Variants in TMEM50A observed in about 807,000 individuals in gnomAD.
The protein encoded by TMEM50A is transmembrane protein 50A.
In TMEM50A, 8 loss-of-function variants were observed where a neutral mutation model predicts 23.9. That is an observed-to-expected ratio of 0.33 (90% CI 0.20 to 0.60). The LOEUF is 0.60. TMEM50A is among the 20% of genes least tolerant of loss of function. The pLI is 0.81. For missense variants in TMEM50A, 178 were observed against 192.7 expected (o/e 0.92, Z 0.45); for synonymous variants, 55 against 60.4 (o/e 0.91, Z 0.41).
intron 1 of TMEM50A, chr1:25,338,726 C>T (rs2124226377): frequency 6.6e-6 from 1 of 152,370 alleles, no homozygotes; most frequent in South Asian, 2.1e-4. Context: ...GGAAAATCCC[C>T]CGATCCCCCA....
chr1:25,362,321 A>G lies in TMEM50A; in HGVS notation c.*1616A>G, dbSNP rs1645422529. The stretch of plus-strand genomic sequence containing the variant: ...TTGATAGCATCATCCTAATGAAACT[A>G]AACATTTATTTTAAACTTATTAAAT... On this transcript the variant is annotated 3_prime_UTR_variant, in exon 7 of 7. Transcript: ENST00000374358. 1.7e-6 allele frequency: 2 copies of G among 1,176,268 alleles called. No individual in the cohort carries two copies. The highest frequency in any genetic ancestry group is 2.4e-6 in the Non-Finnish European group (2 of 832,892). The allele number at this position is 1,176,268 out of a possible 1,614,324, so 72.9% of individuals were successfully genotyped here.
intron 3 of TMEM50A, among the ~76,000 whole-genome samples, chr1:25,343,383 A>G (rs1188030472): frequency 6.6e-6 from 1 of 152,192 alleles, no homozygotes; most frequent in Non-Finnish European, 1.5e-5. Context: ...AACAATATTT[A>G]TTAAGCTTTT....
chr1:25,355,644 C>T (rs1448609222), intron 5 of TMEM50A, among the ~76,000 whole-genome samples: 2 of 152,132 alleles, frequency 1.3e-5, no homozygotes, highest in Admixed American at 6.5e-5. Flanking sequence ...GTGGTGAAGA[C>T]CTATGCAAAC....
chr1:25,360,069 G>T (rs553223909), intron 6 of TMEM50A, among the ~76,000 whole-genome samples: 1 of 152,270 alleles, frequency 6.6e-6, no homozygotes, highest in East Asian at 1.9e-4. Context: ...GACGTATAGG[G>T]CTGGGCACAG....
At chr1:25,359,440 C>T (rs972377168) in intron 6 of TMEM50A, among the ~76,000 whole-genome samples, 1 of 151,866 alleles carries the variant, frequency 6.6e-6, no homozygotes, top group Non-Finnish European at 1.5e-5. Context: ...TTTTGGCTTC[C>T]CTGGGCCATA....
At chr1:25,344,107 A>C (rs1571797833) in intron 3 of TMEM50A, among the ~76,000 whole-genome samples, 1 of 152,152 alleles carries the variant, frequency 6.6e-6, no homozygotes, top group Non-Finnish European at 1.5e-5. Flanking sequence ...TTGGTAGGGC[A>C]TGCCTGTGGT....
At chr1:25,353,473 G>GA (rs1645301584) in intron 5 of TMEM50A, among the ~76,000 whole-genome samples, 1 of 152,092 alleles carries the variant, frequency 6.6e-6, no homozygotes, top group Non-Finnish European at 1.5e-5. Flanking sequence ...TATAGAGATG[G>GA]ATCTTGCTAT....
intron 1 of TMEM50A, 29 bp from the exon 2 acceptor site, chr1:25,340,445 A>ATT (rs1359777549): frequency 3.9e-6 from 6 of 1,520,036 alleles, no homozygotes; most frequent in Non-Finnish European, 5.5e-6. Flanking sequence ...GGAAGTACTT[A>ATT]TTTAATTGTT....
At chr1:25,359,811 C>T (rs1157597069) in intron 6 of TMEM50A, among the ~76,000 whole-genome samples, 1 of 151,160 alleles carries the variant, frequency 6.6e-6, no homozygotes, top group Non-Finnish European at 1.5e-5. Context: ...ATTCAAACCC[C>T]TGTTTTTCCA....
At position 25,342,974 on chromosome 1, in the gene TMEM50A, G is replaced by A; in HGVS notation, c.107G>A (p.Trp36Ter). The A allele has an allele frequency of 6.2e-7, 1 of 1,612,352 alleles. No homozygotes were observed. The highest frequency in any genetic ancestry group is 8.5e-7 in the Non-Finnish European group (1 of 1,179,456). ...CCTTTGTTTTAGTTTTTTACAGGCT[G>A]GTGGATTATCATAGATGCAGCTGTT... ...IAAGVLFFTG[W>*]WIIIDAAVIY... The change falls in exon 3 of 7, where the codon TGG becomes TAG. Residue 36 changes from tryptophan (W) to a stop codon, truncating the protein, a stop_gained. Coordinates refer to ENST00000374358, the MANE Select transcript of TMEM50A (RefSeq NM_014313.4). LOFTEE classifies it high-confidence loss of function.
At chr1:25,351,154 G>A (rs1280856926) in intron 3 of TMEM50A, among the ~76,000 whole-genome samples, 1 of 141,392 alleles carries the variant, frequency 7.1e-6, no homozygotes, top group Non-Finnish European at 1.5e-5. Context: ...GACAGAGCGA[G>A]ACTCCGTCTC....
chr1:25,341,363 A>C (rs980763504), intron 2 of TMEM50A, among the ~76,000 whole-genome samples: 1 of 151,926 alleles, frequency 6.6e-6, no homozygotes, highest in Non-Finnish European at 1.5e-5. Flanking sequence ...GGTTCACGCC[A>C]TTCTCCTGCT....
intron 2 of TMEM50A, chr1:25,342,663 T>C: frequency 5.6e-6 from 1 of 178,364 alleles, no homozygotes; most frequent in Non-Finnish European, 1.2e-5. Flanking sequence ...TTTTTTCCTT[T>C]CCCCCTCCAT....
intron 3 of TMEM50A, among the ~76,000 whole-genome samples, chr1:25,351,423 C>A (rs137956068): frequency 2.0e-5 from 3 of 152,030 alleles, no homozygotes; most frequent in Non-Finnish European, 4.4e-5. Flanking sequence ...GTGGGAGGAT[C>A]ACTTGAGCCT....
At chr1:25,347,005 T>TGAGA (rs1645224972) in intron 3 of TMEM50A, among the ~76,000 whole-genome samples, 1 of 151,902 alleles carries the variant, frequency 6.6e-6, no homozygotes, top group African/African-American at 2.4e-5. Flanking sequence ...GGAGACAGAG[T>TGAGA]GAGACTCTGT....
At chr1:25,354,093 G>A (rs1040904212) in intron 5 of TMEM50A, among the ~76,000 whole-genome samples, 62 of 152,104 alleles carry the variant, frequency 4.1e-4, no homozygotes, top group African/African-American at 1.4e-3. Flanking sequence ...CCAGGCTCAA[G>A]CAATCCTCCC....
At chr1:25,341,214 T>C (rs915247800) in intron 2 of TMEM50A, among the ~76,000 whole-genome samples, 1 of 152,156 alleles carries the variant, frequency 6.6e-6, no homozygotes, top group African/African-American at 2.4e-5. Flanking sequence ...TTTTATTTTT[T>C]GAGATAGAGT....
At chr1:25,340,899 A>T (rs552319163) in intron 2 of TMEM50A, among the ~76,000 whole-genome samples, 1 of 152,342 alleles carries the variant, frequency 6.6e-6, no homozygotes, top group South Asian at 2.1e-4. Context: ...GTCAGGTCAA[A>T]ACCAGTCAAT....
intron 3 of TMEM50A, among the ~76,000 whole-genome samples, chr1:25,347,177 C>T (rs1390565363): frequency 6.6e-6 from 1 of 152,064 alleles, no homozygotes; most frequent in East Asian, 1.9e-4. Context: ...TCAGCACTTC[C>T]ATCACACCTG....
Sources: allele counts gnomAD v4.1 joint callset (sites outside exome capture counted in the v4.1 genomes callset), GRCh38; gene constraint gnomAD v4.1.1; transcripts MANE v1.5; gene names NCBI Gene and HGNC (gene_info 2026-07-23, HGNC 2026-07-21).